The following ESRRG variants were observed in gnomAD, a reference collection of about 807,000 sequenced individuals.
ESRRG encodes estrogen-related receptor gamma.
Under a neutral mutation model 44.0 loss-of-function variants are expected in ESRRG, and 13 were observed. That is an observed-to-expected ratio of 0.30 (90% CI 0.19 to 0.47). ESRRG has a LOEUF of 0.47. Ranked by LOEUF, ESRRG falls within the 20% of genes least tolerant of loss-of-function variation. ESRRG has a pLI of 1.00. For synonymous variants in ESRRG, 215 were observed against 214.6 expected, an observed-to-expected ratio of 1.00 and a Z score of -0.02; for missense variants, 395 against 580.6, an observed-to-expected ratio of 0.68 and a Z score of 3.29.
chr1:217,051,212 G>GGA (rs1553259328), intron 1 of ESRRG, among the ~76,000 whole-genome samples: 5 of 124,192 alleles, frequency 4.0e-5, no homozygotes, highest in African/African-American at 1.4e-4. Context: ...GGCGGGGGGG[G>GGA]GGGGTGCCAG....
chr1:216,975,129 T>C (rs1446255031), intron 1 of ESRRG, among the ~76,000 whole-genome samples: 4 of 152,240 alleles, frequency 2.6e-5, no homozygotes, highest in Non-Finnish European at 1.5e-5. Context: ...GTTGTTATTA[T>C]CTTGGATACA....
At chr1:216,970,408 A>G (rs2071399097) in intron 1 of ESRRG, among the ~76,000 whole-genome samples, 1 of 152,208 alleles carries the variant, frequency 6.6e-6, no homozygotes, top group South Asian at 2.1e-4. Context: ...TTCTAAAAAC[A>G]TAGTGTCTTC....
chr1:216,979,239 T>C (rs536371488), intron 1 of ESRRG, among the ~76,000 whole-genome samples: 75 of 152,240 alleles, frequency 4.9e-4, no homozygotes, highest in African/African-American at 1.8e-3. Context: ...AAAAAGACTT[T>C]CCTTACAGGG....
intron 1 of ESRRG, among the ~76,000 whole-genome samples, chr1:217,118,424 G>T (rs1285070281): frequency 6.6e-6 from 1 of 152,000 alleles, no homozygotes; most frequent in Non-Finnish European, 1.5e-5. Flanking sequence ...AGTCCTGCTT[G>T]CCACAGCCAG....
chr1:217,088,607 C>T (rs1206261888), intron 1 of ESRRG, among the ~76,000 whole-genome samples: 2 of 151,846 alleles, frequency 1.3e-5, no homozygotes, highest in Admixed American at 6.6e-5. Context: ...ACAACATAAC[C>T]GAGACAAGCA....
intron 2 of ESRRG, among the ~76,000 whole-genome samples, chr1:216,660,609 CT>C (rs1296804346): frequency 1.3e-5 from 2 of 152,208 alleles, no homozygotes; most frequent in African/African-American, 4.8e-5. Context: ...ATTCCATCTT[CT>C]GAAAGAGCAC....
At chr1:216,762,240 A>G (rs1217698637) in intron 2 of ESRRG, among the ~76,000 whole-genome samples, 1 of 150,498 alleles carries the variant, frequency 6.6e-6, no homozygotes, top group African/African-American at 2.4e-5. Flanking sequence ...ATGCTGCTAT[A>G]AAGACACATG....
chr1:216,773,137 A>G (rs1387912170), intron 2 of ESRRG, among the ~76,000 whole-genome samples: 1 of 152,104 alleles, frequency 6.6e-6, no homozygotes, highest in Non-Finnish European at 1.5e-5. Context: ...ATCTCAATCA[A>G]GTAAAGGAAA....
intron 1 of ESRRG, chr1:216,959,815 A>G (rs891483740): frequency 6.6e-6 from 1 of 152,190 alleles, no homozygotes; most frequent in Non-Finnish European, 1.5e-5. Context: ...ATCTGCATGT[A>G]TACATACATC....
intron 6 of ESRRG, among the ~76,000 whole-genome samples, chr1:216,515,224 T>C (rs933495365): frequency 6.6e-5 from 10 of 152,010 alleles, no homozygotes; most frequent in Admixed American, 2.0e-4. Flanking sequence ...AAAATGCGTA[T>C]ATATAATATA....
chr1:216,771,087 G>A (rs1328499459), intron 2 of ESRRG, among the ~76,000 whole-genome samples: 1 of 152,034 alleles, frequency 6.6e-6, no homozygotes, highest in Non-Finnish European at 1.5e-5. Flanking sequence ...GGATCCTCCT[G>A]CTCCAGCCTC....
intron 1 of ESRRG, among the ~76,000 whole-genome samples, chr1:217,096,176 G>A (rs1439498927): frequency 6.6e-6 from 1 of 152,078 alleles, no homozygotes; most frequent in Non-Finnish European, 1.5e-5. Flanking sequence ...ATCCACCTCA[G>A]AATTTTATTT....
chr1:216,903,922 C>T (rs964736123), intron 2 of ESRRG, among the ~76,000 whole-genome samples: 35 of 152,192 alleles, frequency 2.3e-4, no homozygotes, highest in African/African-American at 8.2e-4. Context: ...CACGCAAACC[C>T]TGGGGCACAA....
intron 2 of ESRRG, among the ~76,000 whole-genome samples, chr1:216,797,334 G>A (rs957509270): frequency 2.6e-5 from 4 of 151,918 alleles, no homozygotes; most frequent in Admixed American, 1.3e-4. Flanking sequence ...GGATCCCACC[G>A]AGGATGAGGA....
intron 1 of ESRRG, among the ~76,000 whole-genome samples, chr1:216,949,328 G>A (rs10492960): frequency 0.12 from 19,012 of 152,168 alleles, 1,621 homozygotes; most frequent in East Asian, 0.21. Flanking sequence ...TAATGTTGAA[G>A]GTTTCTTAAG....
chr1:217,111,100 G>A (rs1580603610), intron 1 of ESRRG, among the ~76,000 whole-genome samples: 1 of 152,058 alleles, frequency 6.6e-6, no homozygotes, highest in East Asian at 1.9e-4. Flanking sequence ...AATGTCCTAG[G>A]GCAAGGCCCT....
intron 1 of ESRRG, among the ~76,000 whole-genome samples, chr1:217,066,903 G>T (rs373183887): frequency 3.3e-5 from 5 of 152,302 alleles, no homozygotes; most frequent in Admixed American, 6.5e-5. Context: ...AACTACAGAC[G>T]TAAGTTCTCT....
chr1:216,826,720 T>C (rs1348504318), intron 2 of ESRRG, among the ~76,000 whole-genome samples: 3 of 152,188 alleles, frequency 2.0e-5, no homozygotes, highest in Non-Finnish European at 4.4e-5. Context: ...GTCTTAATTT[T>C]AGGCCATACT....
At chr1:216,881,640 C>T (rs948820236) in intron 2 of ESRRG, among the ~76,000 whole-genome samples, 5 of 151,942 alleles carry the variant, frequency 3.3e-5, no homozygotes, top group African/African-American at 1.2e-4. Context: ...GCTCCCCCAA[C>T]AACAACAACA....
Sources: allele counts gnomAD v4.1 joint callset (sites outside exome capture counted in the v4.1 genomes callset), GRCh38; gene constraint gnomAD v4.1.1; transcripts MANE v1.5; gene names NCBI Gene and HGNC (gene_info 2026-07-23, HGNC 2026-07-21).